Variants in VAT1L observed in about 807,000 individuals in gnomAD.
The protein encoded by VAT1L is vesicle amine transport 1 like.
In VAT1L, 34 loss-of-function variants were observed where a neutral mutation model predicts 44.1. The observed-to-expected ratio is 0.77, with a 90% CI of 0.59 to 1.03. The LOEUF (loss-of-function observed/expected upper bound fraction) is 1.03. Ranked by LOEUF, VAT1L falls within the 50% of genes least tolerant of loss-of-function variation. The pLI is 0.00. For synonymous variants in VAT1L, 253 were observed against 202.2 expected (o/e 1.25, Z -2.13); for missense variants, 615 against 538.8 (o/e 1.14, Z -1.40).
Position 77,962,739 on chromosome 16 carries a change from A to AAGGAAGGAAGGAAGGAAG in VAT1L, c.1078-9111_1078-9110insAGGAAGGAAGGAAGGAAG, listed in dbSNP as rs1567523608. On this transcript the variant is annotated intron_variant, in intron 7 of 8. Coordinates refer to ENST00000302536, the MANE Select transcript of VAT1L (RefSeq NM_020927.3). ...CTCTACAAAAGAAGGAAAGAAGGAA[A>AAGGAAGGAAGGAAGGAAG]GAAGGAAGGAAGGAAGGAAGGAAGG... 5.1e-3 allele frequency among the ~76,000 whole-genome samples: 659 copies of AAGGAAGGAAGGAAGGAAG among 129,394 alleles called. 5 individuals carry two copies. Among genetic ancestry groups the AAGGAAGGAAGGAAGGAAG allele is most frequent in the Non-Finnish European group, 7.4e-3 (458 of 61,920 alleles). The allele number at this position is 129,394 out of a possible 152,430, so 84.9% of individuals were successfully genotyped here. A position where few individuals can be genotyped will look rare whatever the true frequency, so the allele number is the denominator to read the frequency against.
At chr16:77,933,513 A>T (rs566059475) in intron 7 of VAT1L, among the ~76,000 whole-genome samples, 4 of 152,264 alleles carry the variant, frequency 2.6e-5, no homozygotes, top group Non-Finnish European at 5.9e-5. Flanking sequence ...ATAACAAACA[A>T]GAAAAATGGT....
chr16:77,972,123 G>A (rs918459455), intron 8 of VAT1L, among the ~76,000 whole-genome samples, 190 bp downstream of exon 8: 7 of 152,114 alleles, frequency 4.6e-5, no homozygotes, highest in Admixed American at 4.6e-4. Context: ...AAAAGGAAAG[G>A]CCAGTGCTTC....
intron 7 of VAT1L, among the ~76,000 whole-genome samples, chr16:77,957,071 A>G (rs1360700499): frequency 6.6e-6 from 1 of 152,196 alleles, no homozygotes; most frequent in Non-Finnish European, 1.5e-5. Context: ...AAGGGAAAAA[A>G]TCACAATTCC....
intron 7 of VAT1L, among the ~76,000 whole-genome samples, chr16:77,925,604 T>A (rs1246620884): frequency 6.6e-6 from 1 of 152,198 alleles, no homozygotes; most frequent in Non-Finnish European, 1.5e-5. Flanking sequence ...TAAAATGAAC[T>A]CAGCAGGAGA....
chr16:77,966,297 C>T (rs2018221421), intron 7 of VAT1L, among the ~76,000 whole-genome samples: 1 of 152,148 alleles, frequency 6.6e-6, no homozygotes, highest in Admixed American at 6.5e-5. Flanking sequence ...GTTGACATCA[C>T]TAGCCAACTG....
chr16:77,806,278 C>T (rs556602991), intron 1 of VAT1L, among the ~76,000 whole-genome samples: 7 of 152,142 alleles, frequency 4.6e-5, no homozygotes, highest in South Asian at 4.2e-4. Context: ...GGCAAGATCT[C>T]GGCTCATTGC....
chr16:77,791,506 A>G (rs377558652), intron 1 of VAT1L, among the ~76,000 whole-genome samples: 102 of 152,336 alleles, frequency 6.7e-4, no homozygotes, highest in African/African-American at 2.1e-3. Context: ...ACAGAAGAGC[A>G]AATTGAGGCT....
intron 7 of VAT1L, among the ~76,000 whole-genome samples, chr16:77,918,787 TC>T (rs987676029): frequency 1.4e-4 from 22 of 152,208 alleles, no homozygotes; most frequent in African/African-American, 5.3e-4. Context: ...AACTCTGAGC[TC>T]CCTGGAGGAA....
At chr16:77,915,639 AGG>A in intron 7 of VAT1L, among the ~76,000 whole-genome samples, 1 of 152,212 alleles carries the variant, frequency 6.6e-6, no homozygotes, top group Non-Finnish European at 1.5e-5. Flanking sequence ...AAAGGCCTAG[AGG>A]CAGGAGGCCC....
intron 8 of VAT1L, among the ~76,000 whole-genome samples, chr16:77,974,281 G>T (rs370177295): frequency 1.3e-5 from 2 of 152,226 alleles, no homozygotes; most frequent in South Asian, 4.2e-4. Context: ...TTAAACATAT[G>T]ACCAAGTCTC....
chr16:77,906,841 G>A (rs940610686), intron 7 of VAT1L, among the ~76,000 whole-genome samples: 2 of 152,214 alleles, frequency 1.3e-5, no homozygotes, highest in African/African-American at 4.8e-5. Flanking sequence ...TCTTCCACAT[G>A]CAAGAAGTTG....
intron 3 of VAT1L, among the ~76,000 whole-genome samples, chr16:77,847,386 C>A (rs1046072810): frequency 2.0e-5 from 3 of 152,164 alleles, no homozygotes; most frequent in Non-Finnish European, 4.4e-5. Flanking sequence ...GTGCTTCTGA[C>A]GTATAAACCT....
At chr16:77,849,838 C>T (rs1392560591) in intron 3 of VAT1L, among the ~76,000 whole-genome samples, 1 of 152,186 alleles carries the variant, frequency 6.6e-6, no homozygotes, top group Non-Finnish European at 1.5e-5. Flanking sequence ...AGAACAGAAC[C>T]TCAGCCGCAG....
chr16:77,940,062 G>A (rs1363001244), intron 7 of VAT1L, among the ~76,000 whole-genome samples: 4 of 152,132 alleles, frequency 2.6e-5, no homozygotes, highest in Non-Finnish European at 5.9e-5. Flanking sequence ...AAAGAAAATG[G>A]ACATTCCAGA....
intron 7 of VAT1L, among the ~76,000 whole-genome samples, chr16:77,908,267 C>T (rs1377107829): frequency 6.6e-6 from 1 of 150,796 alleles, no homozygotes; most frequent in Non-Finnish European, 1.5e-5. Flanking sequence ...CAAGACCAGC[C>T]TGACTGACAT....
intron 7 of VAT1L, among the ~76,000 whole-genome samples, chr16:77,905,856 C>T (rs565496208): frequency 1.3e-5 from 2 of 152,206 alleles, no homozygotes; most frequent in Admixed American, 6.5e-5. Flanking sequence ...GCTACTGCAT[C>T]TCTCCCTGAC....
intron 7 of VAT1L, among the ~76,000 whole-genome samples, chr16:77,910,431 G>T (rs9934663): frequency 6.6e-6 from 1 of 152,074 alleles, no homozygotes; most frequent in African/African-American, 2.4e-5. Context: ...CCAGCACTTT[G>T]GGAGGCCGAG....
Position 77,903,862 on chromosome 16 carries a change from G to A in VAT1L, c.1077+19060G>A, listed in dbSNP as rs28507018. Among the ~76,000 whole-genome samples the A allele has an allele frequency of 7.8e-3, 1,173 of 150,260 alleles. 20 individuals carry two copies. Among genetic ancestry groups the A allele is most frequent in the African/African-American group, 0.027 (1,112 of 40,802 alleles). On this transcript the variant is annotated intron_variant, in intron 7 of 8. Transcript: ENST00000302536. ...TGCCATTCTCCTGCCTCAGCCTCCC[G>A]AGTAGCTGGGACTACAGGCGTCCAC...
intron 3 of VAT1L, among the ~76,000 whole-genome samples, chr16:77,841,045 A>G (rs1001027326): frequency 6.6e-6 from 1 of 152,230 alleles, no homozygotes; most frequent in Non-Finnish European, 1.5e-5. Context: ...AAAGTTAACT[A>G]TTAAATCAAA....
Sources: gnomAD v4.1 joint callset for allele counts (sites outside exome capture counted in the v4.1 genomes callset) on GRCh38, gnomAD v4.1.1 for gene constraint, MANE v1.5 for transcripts, NCBI Gene and HGNC (gene_info 2026-07-23, HGNC 2026-07-21) for gene names.